AKAP6: variants seen among roughly 807,000 people sequenced by gnomAD.
AKAP6 encodes A-kinase anchoring protein 6.
Under a neutral mutation model 188.5 loss-of-function variants are expected in AKAP6, and 58 were observed. The ratio of observed to expected loss-of-function variants is 0.31; its 90% confidence interval spans 0.25 to 0.38. AKAP6 has a LOEUF of 0.38. Among genes scored for constraint, AKAP6 ranks in the 10% least tolerant of loss-of-function variants. The pLI is 1.00. For missense variants in AKAP6, 2,710 were observed against 2,740.0 expected, an observed-to-expected ratio of 0.99 and a Z score of 0.24; for synonymous variants, 989 against 998.6, an observed-to-expected ratio of 0.99 and a Z score of 0.18.
chr14:32,636,864 C>T (rs1887515094), intron 7 of AKAP6, among the ~76,000 whole-genome samples: 1 of 151,982 alleles, frequency 6.6e-6, no homozygotes. Flanking sequence ...TGTGAAGGTA[C>T]TTAAGCAGGG....
rs1831611956 is a variant in AKAP6, at chr14:32,822,777, C to G, written c.4964C>G (p.Ser1655Cys). The G allele has an allele frequency of 6.2e-7, 1 of 1,613,930 alleles. No individual in the cohort carries two copies. Among genetic ancestry groups the G allele is most frequent in the East Asian group, 2.2e-5 (1 of 44,874 alleles). ...GAGCAAAAGATAAAACGAAGTGTTT[C>G]TGATATCACTCTTCAAAGCAGTTCC... Reference protein sequence around the residue: ...PSEQKIKRSVSDITLQSSSQK... With the variant: ...PSEQKIKRSVCDITLQSSSQK... The change falls in exon 13 of 14, where the codon TCT becomes TGT. Residue 1655 changes from serine (S) to cysteine (C), a missense_variant. This residue lies in a region of AKAP6 where 2,473 missense variants were observed against 2,426.1 expected (regional missense o/e 1.02). Transcript: ENST00000280979.
intron 7 of AKAP6, among the ~76,000 whole-genome samples, chr14:32,606,912 T>C (rs544889754): frequency 6.6e-6 from 1 of 152,328 alleles, no homozygotes; most frequent in Admixed American, 6.5e-5. Flanking sequence ...TTTACATCTA[T>C]GTGGCCTTTG....
At chr14:32,496,502 T>C (rs539643702) in intron 2 of AKAP6, among the ~76,000 whole-genome samples, 2 of 152,128 alleles carry the variant, frequency 1.3e-5, no homozygotes, top group East Asian at 1.9e-4. Flanking sequence ...CCTATTGATA[T>C]ATTGGATGTT....
At chr14:32,569,542 A>G (rs754938263) in intron 4 of AKAP6, among the ~76,000 whole-genome samples, 15 of 152,154 alleles carry the variant, frequency 9.9e-5, no homozygotes, top group Non-Finnish European at 1.9e-4. Context: ...CCTTGGTGGC[A>G]CATTAAGTAT....
chr14:32,331,483 A>G (rs1002550257), intron 1 of AKAP6, among the ~76,000 whole-genome samples: 5 of 152,076 alleles, frequency 3.3e-5, no homozygotes, highest in African/African-American at 1.2e-4. Flanking sequence ...TCAAAATGCA[A>G]TTACAGTTCT....
At chr14:32,372,469 C>T (rs567559190) in intron 1 of AKAP6, among the ~76,000 whole-genome samples, 1 of 151,852 alleles carries the variant, frequency 6.6e-6, no homozygotes, top group East Asian at 1.9e-4. Flanking sequence ...ACTAGTCATC[C>T]AAATCAAATG....
At position 32,822,329 on chromosome 14, in the gene AKAP6, A is replaced by T; in HGVS notation, c.4516A>T (p.Lys1506Ter). 6.2e-7 allele frequency: 1 copy of T among 1,613,952 alleles called. No homozygotes were observed. The highest frequency in any genetic ancestry group is 8.5e-7 in the Non-Finnish European group (1 of 1,179,908). The change falls in exon 13 of 14, where the codon AAA becomes TAA. Residue 1506 changes from lysine to a stop codon, truncating the protein, a stop_gained. Transcript: ENST00000280979. LOFTEE classifies it high-confidence loss of function. ...DPLLRGFYFD[K>*]KSCKSKHQTT... Reference sequence around the variant, plus strand: ...CCTGCTTCGTGGTTTTTATTTTGATAAAAAATCATGCAAATCTAAACATCA... The same window carrying T: ...CCTGCTTCGTGGTTTTTATTTTGATTAAAAATCATGCAAATCTAAACATCA...
intron 1 of AKAP6, among the ~76,000 whole-genome samples, chr14:32,340,943 C>T (rs116445402): frequency 5.9e-5 from 9 of 152,218 alleles, no homozygotes; most frequent in Non-Finnish European, 1.0e-4. Flanking sequence ...GCCCTGCCTC[C>T]TAATATCATC....
intron 2 of AKAP6, among the ~76,000 whole-genome samples, chr14:32,444,289 A>G (rs1890686750): frequency 6.6e-6 from 1 of 152,160 alleles, no homozygotes; most frequent in South Asian, 2.1e-4. Context: ...GAAAAAGTTC[A>G]TCAGACCAGA....
Position 32,822,932 on chromosome 14 carries a change from C to T in AKAP6, c.5119C>T (p.His1707Tyr). 6.2e-7 allele frequency: 1 copy of T among 1,613,902 alleles called. No individual in the cohort carries two copies. Among genetic ancestry groups the T allele is most frequent in the Non-Finnish European group, 8.5e-7 (1 of 1,179,920 alleles). ...LSLCSEDIVLHKNKIPESNAS... is the reference protein window; with the variant it reads ...LSLCSEDIVLYKNKIPESNAS... ...TCTTTGCTCAGAGGATATTGTGTTA[C>T]ACAAGAACAAGATCCCGGAATCGAA... is the stretch of plus-strand genomic sequence containing the variant. Residue 1707 changes from histidine to tyrosine, a missense_variant, in exon 13 of 14, where the codon CAC (histidine) becomes TAC (tyrosine). Transcript: ENST00000280979.
chr14:32,589,916 G>C (rs916510117), intron 5 of AKAP6, among the ~76,000 whole-genome samples: 5 of 152,012 alleles, frequency 3.3e-5, no homozygotes, highest in African/African-American at 1.2e-4. Flanking sequence ...CATGAGCTGG[G>C]GTGTGGTCAC....
At chr14:32,715,086 A>G (rs1454599070) in intron 9 of AKAP6, among the ~76,000 whole-genome samples, 1 of 151,898 alleles carries the variant, frequency 6.6e-6, no homozygotes, top group Non-Finnish European at 1.5e-5. Flanking sequence ...TTGAGGAAAA[A>G]ATGATTACAA....
chr14:32,483,737 G>A (rs575604800), intron 2 of AKAP6, among the ~76,000 whole-genome samples: 2 of 152,186 alleles, frequency 1.3e-5, no homozygotes, highest in Non-Finnish European at 2.9e-5. Flanking sequence ...GCATGCCTCA[G>A]CCTCCCAAAG....
intron 8 of AKAP6, among the ~76,000 whole-genome samples, chr14:32,681,006 G>A (rs1325099915): frequency 1.3e-5 from 2 of 152,178 alleles, no homozygotes; most frequent in Non-Finnish European, 2.9e-5. Flanking sequence ...GGGACCTGCA[G>A]TGTGTGAGTC....
rs189977436 is a variant in AKAP6 at position 32,704,981 on chromosome 14, A to G, written c.3000+8871A>G. 1.1e-3 allele frequency among the ~76,000 whole-genome samples: 170 copies of G among 152,332 alleles called. 3 individuals are homozygous for G. Among genetic ancestry groups the G allele is most frequent in the Middle Eastern group, 3.4e-3 (1 of 294 alleles). On this transcript the variant is annotated intron_variant, in intron 9 of 13. Coordinates refer to ENST00000280979, the MANE Select transcript of AKAP6 (RefSeq NM_004274.5). ...CCTAGGTAACGTTTCAGTTATTTCA[A>G]AAGAAGTCCTGGTACCTGTTCAGAA...
At chr14:32,518,691 T>C (rs1566551338) in intron 2 of AKAP6, among the ~76,000 whole-genome samples, 1 of 152,116 alleles carries the variant, frequency 6.6e-6, no homozygotes, top group Non-Finnish European at 1.5e-5. Context: ...AATATGGGAC[T>C]ATGTGAAAAG....
intron 11 of AKAP6, among the ~76,000 whole-genome samples, chr14:32,754,301 C>T (rs1472824078): frequency 6.6e-6 from 1 of 151,964 alleles, no homozygotes; most frequent in African/African-American, 2.4e-5. Context: ...AAAGTATAGC[C>T]ACCCTGCTCT....
chr14:32,410,253 T>C (rs1000228464), intron 1 of AKAP6, among the ~76,000 whole-genome samples: 4 of 152,216 alleles, frequency 2.6e-5, no homozygotes, highest in African/African-American at 9.6e-5. Flanking sequence ...TGAAGTCTGC[T>C]GTCTGAAGGT....
At chr14:32,798,699 C>A (rs955222093) in intron 12 of AKAP6, among the ~76,000 whole-genome samples, 2 of 151,878 alleles carry the variant, frequency 1.3e-5, no homozygotes, top group African/African-American at 2.4e-5. Context: ...AAAAAGGAAA[C>A]AATGGACACT....
Sources: allele counts gnomAD v4.1 joint callset (sites outside exome capture counted in the v4.1 genomes callset), GRCh38; gene constraint gnomAD v4.1.1; regional missense constraint gnomAD v4.1.1; transcripts MANE v1.5; gene names NCBI Gene and HGNC (gene_info 2026-07-23, HGNC 2026-07-21).